The following PCDH9 variants were observed in gnomAD, a reference collection of about 807,000 sequenced individuals.
PCDH9 encodes protocadherin-9.
Under a neutral mutation model 70.6 loss-of-function variants are expected in PCDH9, and 24 were observed. The ratio of observed to expected loss-of-function variants is 0.34; its 90% CI spans 0.25 to 0.48. PCDH9 has a LOEUF of 0.48. PCDH9 is among the 20% of genes least tolerant of loss of function. PCDH9 has a pLI of 0.99. For missense variants in PCDH9, 1,281 were observed against 1,503.6 expected (o/e 0.85, Z 2.45); for synonymous variants, 562 against 558.5 (o/e 1.01, Z -0.09).
chr13:67,163,515 A>G (rs2088021286), intron 2 of PCDH9, among the ~76,000 whole-genome samples: 1 of 152,258 alleles, frequency 6.6e-6, no homozygotes, highest in Non-Finnish European at 1.5e-5. Context: ...ATAAGGTCAC[A>G]TAAAAACATT....
At chr13:66,811,565 TCCTCCCTCCCTC>T (rs901463292) in intron 3 of PCDH9, among the ~76,000 whole-genome samples, 3 of 151,358 alleles carry the variant, frequency 2.0e-5, no homozygotes, top group African/African-American at 7.3e-5. Flanking sequence ...TTTGATTCAT[TCCTCCCTCCCTC>T]CCTCCCTCCC....
chr13:66,796,098 C>T (rs1004977706), intron 3 of PCDH9, among the ~76,000 whole-genome samples: 2 of 152,084 alleles, frequency 1.3e-5, no homozygotes, highest in Admixed American at 6.6e-5. Flanking sequence ...AAAATTAGCA[C>T]GGTGTTTGGA....
chr13:66,400,547 A>T (rs748790117), intron 4 of PCDH9, among the ~76,000 whole-genome samples: 3 of 152,190 alleles, frequency 2.0e-5, no homozygotes, highest in African/African-American at 7.2e-5. Flanking sequence ...TTGCATTTGC[A>T]GTAATAAATA....
At chr13:67,116,030 T>C (rs1047632148) in intron 2 of PCDH9, among the ~76,000 whole-genome samples, 11 of 152,154 alleles carry the variant, frequency 7.2e-5, no homozygotes, top group African/African-American at 2.2e-4. Context: ...ATCCTCCAAG[T>C]ACCCATTTCA....
chr13:66,980,730 G>GTTCTTTTTTTTTTTTTTTTT (rs2083730019), intron 2 of PCDH9, among the ~76,000 whole-genome samples: 1 of 70,872 alleles, frequency 1.4e-5, no homozygotes, highest in African/African-American at 5.3e-5. Context: ...TTTTTTCTTT[G>GTTCTTTTTTTTTTTTTTTTT]TTTTTTTTTT....
intron 3 of PCDH9, among the ~76,000 whole-genome samples, chr13:66,824,791 C>A (rs2080788718): frequency 6.7e-6 from 1 of 149,712 alleles, no homozygotes; most frequent in Non-Finnish European, 1.5e-5. Context: ...CATTAAAATT[C>A]AATTTTCAAC....
At chr13:67,143,554 C>A (rs1201679175) in intron 2 of PCDH9, among the ~76,000 whole-genome samples, 2 of 152,100 alleles carry the variant, frequency 1.3e-5, no homozygotes, top group Non-Finnish European at 1.5e-5. Flanking sequence ...AGACAATTTC[C>A]TTCAAAGCGG....
intron 3 of PCDH9, among the ~76,000 whole-genome samples, chr13:66,728,933 A>G (rs2079038087): frequency 1.3e-5 from 2 of 151,946 alleles, no homozygotes; most frequent in African/African-American, 4.8e-5. Context: ...TCTTTCACAT[A>G]GTTTCTGTCC....
chr13:66,871,620 A>G (rs2081688356), intron 3 of PCDH9, among the ~76,000 whole-genome samples: 1 of 152,054 alleles, frequency 6.6e-6, no homozygotes, highest in African/African-American at 2.4e-5. Context: ...CTAAATCAGG[A>G]TAAGATTAAC....
At chr13:66,783,312 C>T (rs1329120062) in intron 3 of PCDH9, among the ~76,000 whole-genome samples, 1 of 152,076 alleles carries the variant, frequency 6.6e-6, no homozygotes, top group Admixed American at 6.6e-5. Flanking sequence ...ATAGTCCTTG[C>T]TCATCTTGTC....
intron 4 of PCDH9, among the ~76,000 whole-genome samples, chr13:66,394,581 T>C (rs962212893): frequency 6.6e-6 from 1 of 152,204 alleles, no homozygotes; most frequent in African/African-American, 2.4e-5. Flanking sequence ...TTTAATGTTC[T>C]TTCCAAACTA....
chr13:66,403,890 A>G (rs1309656328), intron 4 of PCDH9, among the ~76,000 whole-genome samples: 1 of 152,184 alleles, frequency 6.6e-6, no homozygotes, highest in Non-Finnish European at 1.5e-5. Flanking sequence ...TAATAAGAGG[A>G]AAAACTTGGA....
At chr13:66,694,284 C>A (rs1365757365) in intron 3 of PCDH9, among the ~76,000 whole-genome samples, 2 of 152,104 alleles carry the variant, frequency 1.3e-5, no homozygotes, top group Non-Finnish European at 2.9e-5. Flanking sequence ...CAGCATTGGC[C>A]TAAGGGGCTG....
At chr13:67,164,626 G>T (rs1243882989) in intron 2 of PCDH9, among the ~76,000 whole-genome samples, 2 of 151,394 alleles carry the variant, frequency 1.3e-5, no homozygotes, top group African/African-American at 4.9e-5. Context: ...TTTGACTCCA[G>T]CCTTGTGATG....
chr13:66,698,333 C>G (rs753137600), intron 3 of PCDH9, among the ~76,000 whole-genome samples: 86 of 152,214 alleles, frequency 5.6e-4, no homozygotes, highest in Non-Finnish European at 8.1e-4. Context: ...CTAAATGTCC[C>G]CTGTGGTGGG....
chr13:67,097,090 A>G (rs35184942), intron 2 of PCDH9, among the ~76,000 whole-genome samples: 2 of 85,462 alleles, frequency 2.3e-5, no homozygotes, highest in Admixed American at 1.2e-4. Context: ...TACAGAAAAT[A>G]CAAAAAAAAA....
chr13:67,099,908 G>T (rs1594510899), intron 2 of PCDH9, among the ~76,000 whole-genome samples: 1 of 152,140 alleles, frequency 6.6e-6, no homozygotes, highest in African/African-American at 2.4e-5. Context: ...AAGAGACAAT[G>T]AAATATAATA....
intron 1 of PCDH9, 143 bp downstream of exon 1, chr13:67,229,637 A>T (rs867061511): frequency 6.6e-6 from 1 of 152,264 alleles, no homozygotes; most frequent in Non-Finnish European, 1.5e-5. Flanking sequence ...GTTCCGGCAG[A>T]GTGATGCAGG....
chr13:66,542,283 A>G (rs1484042664), intron 4 of PCDH9, among the ~76,000 whole-genome samples: 1 of 152,148 alleles, frequency 6.6e-6, no homozygotes, highest in African/African-American at 2.4e-5. Flanking sequence ...AAAGCATGTT[A>G]TAGTTACTTT....
Sources: allele counts gnomAD v4.1 joint callset (sites outside exome capture counted in the v4.1 genomes callset), GRCh38; gene constraint gnomAD v4.1.1; transcripts MANE v1.5; gene names NCBI Gene and HGNC (gene_info 2026-07-23, HGNC 2026-07-21).